Variants in TRAPPC9 observed in about 807,000 individuals in gnomAD.
TRAPPC9 encodes IKK2 binding protein.
In TRAPPC9, 83 loss-of-function variants were observed where a neutral mutation model predicts 124.0. The ratio of observed to expected loss-of-function variants is 0.67; its 90% CI spans 0.56 to 0.80. The LOEUF is 0.80. TRAPPC9 is among the 30% of genes least tolerant of loss of function. The probability of loss-of-function intolerance (pLI) is 0.00; values close to 1 mark genes in which losing one functional copy is unlikely to be tolerated. For synonymous variants in TRAPPC9, 638 were observed against 617.5 expected (o/e 1.03, Z -0.49); for missense variants, 1,302 against 1,508.3 (o/e 0.86, Z 2.27).
rs75953428 is a variant in TRAPPC9, at chr8:140,218,158, G to A, written c.2556+3301C>T. Among the ~76,000 whole-genome samples, 710 of 152,158 alleles carry A rather than the reference G, an allele frequency of 4.7e-3. 9 individuals are homozygous for A. The highest frequency in any genetic ancestry group is 0.015 in the African/African-American group (642 of 41,510). ...GCTGCACGACGCCACCACGACACTC[G>A]AACCTCTCCACTACTCCACCAGCAT... is the stretch of plus-strand genomic sequence containing the variant. On this transcript the variant is annotated intron_variant, in intron 17 of 22. Transcript: ENST00000438773.
intron 9 of TRAPPC9, among the ~76,000 whole-genome samples, chr8:140,334,660 A>G (rs1479057757): frequency 1.3e-5 from 2 of 151,004 alleles, no homozygotes. Flanking sequence ...TAAATAAATA[A>G]ATAAATAAAT....
At chr8:139,836,187 T>TTAGTAG (rs909353541) in intron 21 of TRAPPC9, among the ~76,000 whole-genome samples, 39 of 152,220 alleles carry the variant, frequency 2.6e-4, no homozygotes, top group Admixed American at 1.3e-3. Context: ...TTTTATATTT[T>TTAGTAG]TAGTAGAGAC....
At chr8:140,363,163 C>T (rs2068006455) in intron 8 of TRAPPC9, among the ~76,000 whole-genome samples, 2 of 152,136 alleles carry the variant, frequency 1.3e-5, no homozygotes, top group Admixed American at 1.3e-4. Context: ...AGTTCCTGGG[C>T]AAAATTTAAT....
At chr8:139,862,709 G>A (rs1563871934) in intron 21 of TRAPPC9, among the ~76,000 whole-genome samples, 1 of 152,200 alleles carries the variant, frequency 6.6e-6, no homozygotes, top group Non-Finnish European at 1.5e-5. Flanking sequence ...CCTGCTCTGT[G>A]CATACTCAGC....
At chr8:140,296,967 G>A (rs555316322) in intron 11 of TRAPPC9, among the ~76,000 whole-genome samples, 1 of 152,362 alleles carries the variant, frequency 6.6e-6, no homozygotes, top group South Asian at 2.1e-4. Context: ...GGGGCCAGGG[G>A]AGACAGAGGA....
chr8:140,037,489 C>G (rs1269377717), intron 17 of TRAPPC9, among the ~76,000 whole-genome samples: 1 of 152,078 alleles, frequency 6.6e-6, no homozygotes, highest in African/African-American at 2.4e-5. Context: ...AATTGCCCAG[C>G]TACAGTTCAG....
chr8:140,390,536 T>C (rs964201706), intron 7 of TRAPPC9, among the ~76,000 whole-genome samples: 4 of 152,222 alleles, frequency 2.6e-5, no homozygotes, highest in Middle Eastern at 6.8e-3. Context: ...TTCCTCACTT[T>C]ATTGGGCTTC....
chr8:140,388,708 C>A (rs1477142943), intron 7 of TRAPPC9, among the ~76,000 whole-genome samples: 1 of 151,278 alleles, frequency 6.6e-6, no homozygotes, highest in South Asian at 2.1e-4. Flanking sequence ...ATTAGTTGGG[C>A]GTGGTGGTGC....
At chr8:140,442,592 T>C (rs1252248146) in intron 2 of TRAPPC9, among the ~76,000 whole-genome samples, 9 of 116,058 alleles carry the variant, frequency 7.8e-5, no homozygotes, top group African/African-American at 2.2e-4. Flanking sequence ...AGCGAGCCTC[T>C]GTCAAAAAAA....
At chr8:140,137,877 A>G (rs2061329372) in intron 17 of TRAPPC9, among the ~76,000 whole-genome samples, 1 of 152,266 alleles carries the variant, frequency 6.6e-6, no homozygotes, top group Non-Finnish European at 1.5e-5. Context: ...TTCAATAAGT[A>G]AAACCAAATC....
chr8:140,179,993 A>ATTTTTTTT lies in TRAPPC9; in HGVS notation c.2556+41458_2556+41465dup, dbSNP rs71520259. Among the ~76,000 whole-genome samples the ATTTTTTTT allele has an allele frequency of 6.5e-3, 583 of 90,010 alleles. 23 individuals are homozygous for ATTTTTTTT. Among genetic ancestry groups the ATTTTTTTT allele is most frequent in the East Asian group, 0.011 (22 of 2,076 alleles). 59.1% of individuals were successfully genotyped at this position (90,010 alleles called of 152,430 possible). A position where few individuals can be genotyped will look rare whatever the true frequency, so the allele number is the denominator to read the frequency against. ...ATAAACAATTTATAGTTATATCTTG[A>ATTTTTTTT]TTTTTTTTTTTTTTTTTTTTTGGCC... On this transcript the variant is annotated intron_variant, in intron 17 of 22. Coordinates refer to ENST00000438773, the MANE Select transcript of TRAPPC9 (RefSeq NM_001160372.4).
Position 139,757,441 on chromosome 8 carries a change from G to C in TRAPPC9, c.3056-25239C>G, listed in dbSNP as rs565097511. Among the ~76,000 whole-genome samples, 5 of 150,726 alleles carry C rather than the reference G, an allele frequency of 3.3e-5. No homozygotes were observed. In the South Asian group the frequency reaches 1.1e-3, roughly 32 times the overall value. Reference sequence around the variant, plus strand: ...GGACAGCAGGTCGCAGGAGGAGCCAGGGTTTGGGGATGAGGACAGCAGGTC... The same window carrying C: ...GGACAGCAGGTCGCAGGAGGAGCCACGGTTTGGGGATGAGGACAGCAGGTC... On this transcript the variant is annotated intron_variant, in intron 21 of 22. Coordinates refer to ENST00000438773, the MANE Select transcript of TRAPPC9 (RefSeq NM_001160372.4).
rs1467432787 is a variant in TRAPPC9 at position 139,788,112 on chromosome 8, C to T, written c.3056-55910G>A. Among the ~76,000 whole-genome samples, 1 of 152,178 alleles carries T rather than the reference C, an allele frequency of 6.6e-6. No individual in the cohort carries two copies. The highest frequency in any genetic ancestry group is 1.5e-5 in the Non-Finnish European group (1 of 68,040). On this transcript the variant is annotated intron_variant, in intron 21 of 22. Transcript: ENST00000438773. This position sits in a 1 kb window ranked among gnomAD's most constrained non-coding sequence, Gnocchi z 4.9. ...CAGCCCAGAAGCCACTTCCCCACTG[C>T]ACTGGTTTCTGCTGGGGACAATGAT...
chr8:139,959,976 C>T (rs1033929620), intron 19 of TRAPPC9, among the ~76,000 whole-genome samples: 1 of 152,162 alleles, frequency 6.6e-6, no homozygotes, highest in Non-Finnish European at 1.5e-5. Flanking sequence ...AAGGAGGCGG[C>T]GGCGAGAGGC....
intron 1 of TRAPPC9, among the ~76,000 whole-genome samples, chr8:140,455,023 T>C (rs2071603204): frequency 1.3e-5 from 2 of 151,920 alleles, no homozygotes; most frequent in Non-Finnish European, 1.5e-5. Flanking sequence ...AGCAAAAATA[T>C]GTATCTTCAA....
At chr8:140,199,034 G>A (rs2062726843) in intron 17 of TRAPPC9, among the ~76,000 whole-genome samples, 1 of 152,198 alleles carries the variant, frequency 6.6e-6, no homozygotes, top group Admixed American at 6.5e-5. Context: ...GGACTCCTGG[G>A]GGGAGCAACA....
At chr8:140,361,974 G>T (rs572169373) in intron 8 of TRAPPC9, among the ~76,000 whole-genome samples, 1 of 152,098 alleles carries the variant, frequency 6.6e-6, no homozygotes, top group Non-Finnish European at 1.5e-5. Flanking sequence ...TGCTCCAAGG[G>T]TTCCACCGCT....
At chr8:140,036,152 G>A (rs1000982089) in intron 17 of TRAPPC9, among the ~76,000 whole-genome samples, 6 of 152,068 alleles carry the variant, frequency 3.9e-5, no homozygotes, top group South Asian at 2.1e-4. Context: ...GGGGACCCAC[G>A]CCTGTGCTCC....
At chr8:139,959,431 T>C (rs1410738650) in intron 19 of TRAPPC9, among the ~76,000 whole-genome samples, 2 of 152,170 alleles carry the variant, frequency 1.3e-5, no homozygotes, top group East Asian at 3.9e-4. Context: ...TTATGGCCAA[T>C]AAAATGGAGG....
Sources: allele counts gnomAD v4.1 joint callset (sites outside exome capture counted in the v4.1 genomes callset), GRCh38; gene constraint gnomAD v4.1.1; non-coding constraint Gnocchi (gnomAD v3.1); transcripts MANE v1.5; gene names NCBI Gene and HGNC (gene_info 2026-07-23, HGNC 2026-07-21).